Variants in MAVS observed in about 807,000 individuals in gnomAD.
MAVS encodes mitochondrial antiviral signaling protein.
In MAVS, 20 loss-of-function variants were observed where a neutral mutation model predicts 30.2. The ratio of observed to expected loss-of-function variants is 0.66; its 90% CI spans 0.47 to 0.96. The LOEUF is 0.96. Among genes scored for constraint, MAVS ranks in the 40% least tolerant of loss-of-function variants. The probability of loss-of-function intolerance (pLI) is 0.00; values close to 1 mark genes in which losing one functional copy is unlikely to be tolerated. For synonymous variants in MAVS, 278 were observed against 293.9 expected (o/e 0.95, Z 0.55); for missense variants, 624 against 701.1 (o/e 0.89, Z 1.24).
In MAVS at chr20:3,871,754, C is replaced by G. The variant is rs545478242; in HGVS notation, c.*5607C>G. 2.6e-5 allele frequency: 4 copies of G among 152,416 alleles called. No homozygotes were observed. The highest frequency in any genetic ancestry group is 1.3e-4 in the Admixed American group (2 of 15,284). 9.4% of individuals were successfully genotyped at this position (152,416 alleles called of 1,614,324 possible). A position where few individuals can be genotyped will look rare whatever the true frequency, so the allele number is the denominator to read the frequency against. On this transcript the variant is annotated 3_prime_UTR_variant, in exon 7 of 7. Coordinates refer to ENST00000428216, the MANE Select transcript of MAVS (RefSeq NM_020746.5). ...TAATGCATCTGTGTTGAAATTGAGG[C>G]CTTCCCCTGTGTTCACCTTTCTGCT...
rs555529062 is a variant in MAVS at position 3,868,861 on chromosome 20, G to A, written c.*2714G>A. The A allele has an allele frequency of 3.8e-4, 58 of 152,380 alleles. No individual in the cohort carries two copies. The highest frequency in any genetic ancestry group is 1.4e-3 in the African/African-American group (57 of 41,562). The allele number at this position is 152,380 out of a possible 1,614,324, so 9.4% of individuals were successfully genotyped here. On this transcript the variant is annotated 3_prime_UTR_variant, in exon 7 of 7. Coordinates refer to ENST00000428216, the MANE Select transcript of MAVS (RefSeq NM_020746.5). Reference sequence around the variant, plus strand: ...ATCGCACCACTGCACTCCAGCCTGGGTGACCGAGTGATACTCTGTCTCAAA... The same window carrying A: ...ATCGCACCACTGCACTCCAGCCTGGATGACCGAGTGATACTCTGTCTCAAA...
chr20:3,866,422 GT>G lies in MAVS; in HGVS notation c.*277del, dbSNP rs2089909560. 2.0e-6 allele frequency: 1 copy of G among 501,264 alleles called. No homozygotes were observed. 31.1% of individuals were successfully genotyped at this position (501,264 alleles called of 1,614,324 possible). A position where few individuals can be genotyped will look rare whatever the true frequency, so the allele number is the denominator to read the frequency against. ...CAGACCTTCCCCACTGGCAATCCAGGTTATCATCCATGTCCTCCAGAGGAGC... is the reference window on the plus strand; with the variant it reads ...CAGACCTTCCCCACTGGCAATCCAGGTATCATCCATGTCCTCCAGAGGAGC... On this transcript the variant is annotated 3_prime_UTR_variant, in exon 7 of 7. Coordinates refer to ENST00000428216, the MANE Select transcript of MAVS (RefSeq NM_020746.5).
At chr20:3,852,518 G>A (rs541569822) in intron 1 of MAVS, among the ~76,000 whole-genome samples, 1 of 152,102 alleles carries the variant, frequency 6.6e-6, no homozygotes, top group Non-Finnish European at 1.5e-5. Flanking sequence ...TCAGCTTGAG[G>A]GCCTTAGAGC....
rs373161811 is a variant in MAVS at position 3,854,604 on chromosome 20, C to G, written c.-21C>G. 46 of 1,574,538 alleles carry G rather than the reference C, an allele frequency of 2.9e-5. No individual in the cohort carries two copies. The highest frequency in any genetic ancestry group is 4.5e-5 in the South Asian group (4 of 89,552). ...CCACCCTTCATGGGGCCAGAGCCCT[C>G]TCTCCAGAATCTGAGCAGCAATGCC... On this transcript the variant is annotated 5_prime_UTR_variant, in exon 2 of 7. Coordinates refer to ENST00000428216, the MANE Select transcript of MAVS (RefSeq NM_020746.5).
rs980916879 is a variant in MAVS at position 3,875,729 on chromosome 20, C to G, written c.*9582C>G. ...CAGTTATGTCAAATCTGTCCTCCCC[C>G]AGAGCTCAGTCCCTCTGCCCTTGGG... On this transcript the variant is annotated 3_prime_UTR_variant, in exon 7 of 7. Coordinates refer to ENST00000428216, the MANE Select transcript of MAVS (RefSeq NM_020746.5). 1.3e-5 allele frequency: 2 copies of G among 152,380 alleles called. No individual in the cohort carries two copies. The highest frequency in any genetic ancestry group is 2.9e-5 in the Non-Finnish European group (2 of 68,068). 9.4% of individuals were successfully genotyped at this position (152,380 alleles called of 1,614,324 possible). A position where few individuals can be genotyped will look rare whatever the true frequency, so the allele number is the denominator to read the frequency against.
intron 1 of MAVS, among the ~76,000 whole-genome samples, chr20:3,850,589 C>CA (rs772362750): frequency 0.013 from 930 of 70,886 alleles, 6 homozygotes; most frequent in African/African-American, 0.016. Flanking sequence ...AACTCCATTT[C>CA]AAAAAAAAAA....
intron 1 of MAVS, among the ~76,000 whole-genome samples, chr20:3,853,543 G>A (rs530510181): frequency 6.6e-6 from 1 of 151,826 alleles, no homozygotes; most frequent in South Asian, 2.1e-4. Context: ...CTTGTCATCC[G>A]AGCTACTTGA....
Position 3,873,654 on chromosome 20 carries a change from GT to G in MAVS, c.*7508del, listed in dbSNP as rs1353336638. 3 of 153,436 alleles carry G rather than the reference GT, an allele frequency of 2.0e-5. No homozygotes were observed. Among genetic ancestry groups the G allele is most frequent in the African/African-American group, 7.2e-5 (3 of 41,472 alleles). The allele number at this position is 153,436 out of a possible 1,614,324, so 9.5% of individuals were successfully genotyped here. On this transcript the variant is annotated 3_prime_UTR_variant, in exon 7 of 7. Coordinates refer to ENST00000428216, the MANE Select transcript of MAVS (RefSeq NM_020746.5). ...GGAGCCCTTCTGTCCCTTCTACCAT[GT>G]GTGGATGCAGTGAGAAGGCACCGTA...
At chr20:3,857,406 C>T (rs1202389832) in intron 2 of MAVS, among the ~76,000 whole-genome samples, 2 of 152,190 alleles carry the variant, frequency 1.3e-5, no homozygotes, top group African/African-American at 4.8e-5. Context: ...ATGGAGAGCC[C>T]AGGACATAGT....
At chr20:3,860,125 C>G (rs1466877526) in intron 3 of MAVS, among the ~76,000 whole-genome samples, 4 of 151,930 alleles carry the variant, frequency 2.6e-5, no homozygotes, top group Admixed American at 6.6e-5. Context: ...CCCTGCTTGT[C>G]ACTCTTGAGG....
rs116395151 is a variant in MAVS at position 3,866,980 on chromosome 20, C to T, written c.*833C>T. 1.7e-3 allele frequency: 789 copies of T among 456,792 alleles called. 7 individuals carry two copies. The highest frequency in any genetic ancestry group is 0.014 in the African/African-American group (705 of 50,212). 28.3% of individuals were successfully genotyped at this position (456,792 alleles called of 1,614,324 possible). On this transcript the variant is annotated 3_prime_UTR_variant, in exon 7 of 7. Transcript: ENST00000428216. ...TCAGACTTCTGGTCTTGCTTCTCCACGTGGACAGTGAGTATCTGGCTCATT... is the reference window on the plus strand; with the variant it reads ...TCAGACTTCTGGTCTTGCTTCTCCATGTGGACAGTGAGTATCTGGCTCATT...
In MAVS at chr20:3,874,449, G is replaced by A; in HGVS notation, c.*8302G>A. 1 of 383,560 alleles carries A rather than the reference G, an allele frequency of 2.6e-6. No individual in the cohort carries two copies. Among genetic ancestry groups the A allele is most frequent in the Non-Finnish European group, 4.6e-6 (1 of 216,656 alleles). 23.8% of individuals were successfully genotyped at this position (383,560 alleles called of 1,614,324 possible). On this transcript the variant is annotated 3_prime_UTR_variant, in exon 7 of 7. Transcript: ENST00000428216. ...GTTTGCAAAGGAGTCAGCCATGATT[G>A]CTTGTATTTGGCAGGGGTCAAAGGC...
intron 2 of MAVS, among the ~76,000 whole-genome samples, chr20:3,856,621 G>T (rs1334382988): frequency 6.6e-5 from 10 of 152,092 alleles, no homozygotes; most frequent in Non-Finnish European, 8.8e-5. Flanking sequence ...GGGATTACGG[G>T]TGTGAGCTAC....
intron 3 of MAVS, 123 bp downstream of exon 3, chr20:3,857,932 T>C (rs2089827072): frequency 9.0e-7 from 1 of 1,107,944 alleles, no homozygotes; most frequent in Admixed American, 2.0e-5. Flanking sequence ...TGTGAAGCGA[T>C]GAATAAACCT....
rs1468481042 is a variant in MAVS, at chr20:3,866,491, G to T, written c.*344G>T. On this transcript the variant is annotated 3_prime_UTR_variant, in exon 7 of 7. Transcript: ENST00000428216. ...AGCCCTGTTGGCCCAGGTGGAGCAG[G>T]AGGGACCACTGGAACATGTGGTGCT... The T allele has an allele frequency of 7.6e-6, 3 of 397,178 alleles. No individual in the cohort carries two copies. Among genetic ancestry groups the T allele is most frequent in the African/African-American group, 6.0e-5 (3 of 49,626 alleles). 24.6% of individuals were successfully genotyped at this position (397,178 alleles called of 1,614,324 possible).
chr20:3,853,526 G>A (rs1418179685), intron 1 of MAVS, among the ~76,000 whole-genome samples: 1 of 152,000 alleles, frequency 6.6e-6, no homozygotes, highest in Non-Finnish European at 1.5e-5. Flanking sequence ...GGACACATTG[G>A]CTGGTGCTTG....
intron 5 of MAVS, among the ~76,000 whole-genome samples, chr20:3,863,441 C>T (rs2089881624): frequency 6.6e-6 from 1 of 152,200 alleles, no homozygotes; most frequent in African/African-American, 2.4e-5. Flanking sequence ...GCTCCAAGCA[C>T]CTGTCTGCTT....
At chr20:3,854,468 A>T in intron 1 of MAVS, 90 bp from the exon 2 acceptor site, 1 of 473,284 alleles carries the variant, frequency 2.1e-6, no homozygotes, top group Non-Finnish European at 3.7e-6. Context: ...GAAAACAAAC[A>T]TTCCAAAAAG....
At chr20:3,859,586 G>C (rs1007191070) in intron 3 of MAVS, among the ~76,000 whole-genome samples, 1 of 151,850 alleles carries the variant, frequency 6.6e-6, no homozygotes. Context: ...GGGGGCAAAG[G>C]GGAGGGGCTC....
Sources: allele counts gnomAD v4.1 joint callset (sites outside exome capture counted in the v4.1 genomes callset), GRCh38; gene constraint gnomAD v4.1.1; transcripts MANE v1.5; gene names NCBI Gene and HGNC (gene_info 2026-07-23, HGNC 2026-07-21).